Variants in BCL2 observed in about 807,000 individuals in gnomAD.
BCL2 encodes the protein BCL2 apoptosis regulator.
A neutral mutation model predicts 14.2 loss-of-function variants in BCL2; 1 was observed. The ratio of observed to expected loss-of-function variants is 0.07; its 90% CI spans 0.02 to 0.33. The LOEUF (loss-of-function observed/expected upper bound fraction) is 0.33, where lower values mean the gene tolerates loss of function less well. Among genes scored for constraint, BCL2 ranks in the 10% least tolerant of loss-of-function variants. The probability of loss-of-function intolerance (pLI) is 0.99; values close to 1 mark genes in which losing one functional copy is unlikely to be tolerated. For missense variants in BCL2, 247 were observed against 305.9 expected, an observed-to-expected ratio of 0.81 and a Z score of 1.44; for synonymous variants, 151 against 137.2, an observed-to-expected ratio of 1.10 and a Z score of -0.70.
Position 63,318,708 on chromosome 18 carries a change from G to A in BCL2, c.-42C>T, listed in dbSNP as rs114373512. ...GCAACGGGGGCCAACGGCACCTCTC[G>A]CCCCAGCTCCCACCCCACGGCCCCC... is the stretch of plus-strand genomic sequence containing the variant. On this transcript the variant is annotated 5_prime_UTR_variant, in exon 2 of 3. Coordinates refer to ENST00000333681, the MANE Select transcript of BCL2 (RefSeq NM_000633.3). The surrounding 1 kb of genome is among the most constrained non-coding windows in gnomAD (Gnocchi z 7.4). The A allele has an allele frequency of 5.1e-3, 8,161 of 1,610,556 alleles. 398 individuals are homozygous for A. The African/African-American group carries it at 0.099, about 19-fold the overall frequency.
intron 2 of BCL2, among the ~76,000 whole-genome samples, chr18:63,309,983 C>T (rs952651514): frequency 1.3e-5 from 2 of 152,152 alleles, no homozygotes; most frequent in African/African-American, 2.4e-5. Flanking sequence ...CTGCCTCAGC[C>T]TCCCGAGTAG....
chr18:63,159,496 C>G lies in BCL2; in HGVS notation c.586-30737G>C, dbSNP rs183294879. 5.3e-5 allele frequency among the ~76,000 whole-genome samples: 8 copies of G among 152,320 alleles called. No homozygotes were observed. The East Asian group carries it at 1.5e-3, about 29-fold the overall frequency. ...ACTGGGAATTTTCTCAAAACTAGTA[C>G]AAGTATGAATGTTTCTCCTTTTACT... is the stretch of plus-strand genomic sequence containing the variant. On this transcript the variant is annotated intron_variant, in intron 2 of 2. Transcript: ENST00000333681.
In BCL2 at chr18:63,318,539, G is replaced by C; in HGVS notation, c.128C>G (p.Ala43Gly). The C allele has an allele frequency of 6.3e-7, 1 of 1,586,050 alleles. No individual in the cohort carries two copies. The highest frequency in any genetic ancestry group is 8.5e-7 in the Non-Finnish European group (1 of 1,169,794). ...GDVGAAPPGA[A>G]PAPGIFSSQP... is the part of the protein sequence containing the mutation. ...GGAGGAGAAGATGCCCGGTGCGGGGGCGGCCCCCGGGGGCGCGGCGCCCAC... is the reference window on the plus strand; with the variant it reads ...GGAGGAGAAGATGCCCGGTGCGGGGCCGGCCCCCGGGGGCGCGGCGCCCAC... The change falls in exon 2 of 3, where the codon GCC becomes GGC. Residue 43 changes from alanine (A) to glycine (G), a missense_variant. Physicochemically the swap from Ala to Gly is moderately conservative, Grantham distance 60. This residue lies in a region of BCL2 where 144 missense variants were observed against 135.3 expected (regional missense o/e 1.06). Coordinates refer to ENST00000333681, the MANE Select transcript of BCL2 (RefSeq NM_000633.3). This position sits in a 1 kb window ranked among gnomAD's most constrained non-coding sequence, Gnocchi z 7.4.
chr18:63,128,853 C>T, intron 2 of BCL2, 94 bp from the exon 3 acceptor site: 1 of 647,400 alleles, frequency 1.5e-6, no homozygotes, highest in Non-Finnish European at 2.9e-6. Context: ...CCTGCCAGGG[C>T]AGCCTGGGCA....
intron 2 of BCL2, among the ~76,000 whole-genome samples, chr18:63,168,547 A>T (rs115684671): frequency 6.6e-6 from 1 of 152,184 alleles, no homozygotes; most frequent in Non-Finnish European, 1.5e-5. Flanking sequence ...ATGACTCTGC[A>T]TGGAGAGTCA....
At chr18:63,160,114 G>A (rs971566939) in intron 2 of BCL2, among the ~76,000 whole-genome samples, 2 of 152,172 alleles carry the variant, frequency 1.3e-5, no homozygotes, top group African/African-American at 4.8e-5. Flanking sequence ...CCCAGAAAGA[G>A]CCCTTGGAGC....
intron 2 of BCL2, among the ~76,000 whole-genome samples, chr18:63,265,234 A>G (rs1911792907): frequency 6.6e-6 from 1 of 152,230 alleles, no homozygotes; most frequent in African/African-American, 2.4e-5. Context: ...GGGGAAAGCA[A>G]AAGAAAGAGA....
At chr18:63,305,407 A>G (rs1390766002) in intron 2 of BCL2, among the ~76,000 whole-genome samples, 3 of 152,162 alleles carry the variant, frequency 2.0e-5, no homozygotes, top group Admixed American at 2.0e-4. Flanking sequence ...ATTGGCTCGT[A>G]CACACCTTTG....
At chr18:63,224,925 A>G (rs891706964) in intron 2 of BCL2, among the ~76,000 whole-genome samples, 1 of 152,158 alleles carries the variant, frequency 6.6e-6, no homozygotes, top group Non-Finnish European at 1.5e-5. Context: ...CACAGAAGAA[A>G]AGGCAAAGGG....
rs747866794 is a variant in BCL2, at chr18:63,300,468, G to C, written c.585+17614C>G. ...TTGTGCTCCTTCTCTCTCTCTCTCTGTGTGTGTGTGTGTGTGTGTGTGTGT... is the reference window on the plus strand; with the variant it reads ...TTGTGCTCCTTCTCTCTCTCTCTCTCTGTGTGTGTGTGTGTGTGTGTGTGT... On this transcript the variant is annotated intron_variant, in intron 2 of 2. Coordinates refer to ENST00000333681, the MANE Select transcript of BCL2 (RefSeq NM_000633.3). Among the ~76,000 whole-genome samples the C allele has an allele frequency of 9.7e-3, 1,362 of 140,522 alleles. 8 individuals are homozygous for C. The highest frequency in any genetic ancestry group is 0.013 in the Non-Finnish European group (823 of 63,976). 92.2% of individuals were successfully genotyped at this position (140,522 alleles called of 152,430 possible).
chr18:63,129,324 C>T (rs1219251771), intron 2 of BCL2, among the ~76,000 whole-genome samples: 1 of 147,930 alleles, frequency 6.8e-6, no homozygotes, highest in Non-Finnish European at 1.5e-5. Context: ...GAGTCTTGCT[C>T]TGTTGCCCAG....
intron 2 of BCL2, among the ~76,000 whole-genome samples, chr18:63,250,676 A>G (rs1410447514): frequency 6.6e-6 from 1 of 152,204 alleles, no homozygotes; most frequent in Non-Finnish European, 1.5e-5. Flanking sequence ...GGTACTTGGA[A>G]TACTGTTAAG....
intron 2 of BCL2, among the ~76,000 whole-genome samples, chr18:63,142,150 G>C (rs1390879576): frequency 1.3e-5 from 2 of 152,202 alleles, no homozygotes; most frequent in African/African-American, 2.4e-5. Flanking sequence ...GTTGACTGAG[G>C]CTGGTGGTGT....
At chr18:63,268,042 T>G (rs562148271) in intron 2 of BCL2, among the ~76,000 whole-genome samples, 2 of 152,360 alleles carry the variant, frequency 1.3e-5, no homozygotes, top group South Asian at 4.1e-4. Flanking sequence ...CATTCCTGCA[T>G]TCCTTTTGCA....
intron 2 of BCL2, among the ~76,000 whole-genome samples, chr18:63,274,710 A>G (rs932595559): frequency 1.3e-5 from 2 of 152,072 alleles, no homozygotes; most frequent in African/African-American, 4.8e-5. Flanking sequence ...CTTTCCTTCC[A>G]CCTGCCGCGG....
intron 2 of BCL2, among the ~76,000 whole-genome samples, chr18:63,147,810 A>C (rs1914549553): frequency 6.6e-6 from 1 of 152,166 alleles, no homozygotes; most frequent in Non-Finnish European, 1.5e-5. Context: ...TTAATACCCC[A>C]ACCAAAGGAG....
chr18:63,189,384 G>A (rs1337491578), intron 2 of BCL2, among the ~76,000 whole-genome samples: 1 of 152,074 alleles, frequency 6.6e-6, no homozygotes, highest in Non-Finnish European at 1.5e-5. Context: ...TTGTTGCTTA[G>A]TCTGAAACCA....
rs1168826665 is a variant in BCL2 at position 63,251,314 on chromosome 18, T to C, written c.585+66768A>G. ...TTGGAACAGTCCTTGGAAAAGGAGA[T>C]GATAGTCTGGGGTGGCATGTCCTGA... On this transcript the variant is annotated intron_variant, in intron 2 of 2. Transcript: ENST00000333681. Among the ~76,000 whole-genome samples, 4 of 151,972 alleles carry C rather than the reference T, an allele frequency of 2.6e-5. No individual in the cohort carries two copies. The East Asian group carries it at 5.8e-4, about 22-fold the overall frequency.
intron 2 of BCL2, among the ~76,000 whole-genome samples, chr18:63,250,411 G>A (rs1911276879): frequency 6.6e-6 from 1 of 152,244 alleles, no homozygotes; most frequent in Admixed American, 6.5e-5. Context: ...ACCATTTAAT[G>A]TTAGGGCTTG....
Sources: gnomAD v4.1 joint callset for allele counts (sites outside exome capture counted in the v4.1 genomes callset) on GRCh38, gnomAD v4.1.1 for gene constraint, gnomAD v4.1.1 regional missense constraint, Gnocchi (gnomAD v3.1) non-coding constraint, MANE v1.5 for transcripts, NCBI Gene and HGNC (gene_info 2026-07-23, HGNC 2026-07-21) for gene names.